Variants in CCNY observed in about 807,000 individuals in gnomAD.
CCNY encodes the protein cyclin-Y.
Under a neutral mutation model 42.8 loss-of-function variants are expected in CCNY, and 19 were observed. The observed-to-expected ratio is 0.44, with a 90% CI of 0.31 to 0.65. The LOEUF is 0.65. CCNY is among the 30% of genes least tolerant of loss of function. The probability of loss-of-function intolerance (pLI) is 0.07; values close to 1 mark genes in which losing one functional copy is unlikely to be tolerated. For synonymous variants in CCNY, 165 were observed against 162.7 expected (o/e 1.01, Z -0.11); for missense variants, 370 against 437.3 (o/e 0.85, Z 1.37).
At chr10:35,497,726 CAAAAAA>C (rs34502756) in intron 2 of CCNY, among the ~76,000 whole-genome samples, 2 of 73,610 alleles carry the variant, frequency 2.7e-5, no homozygotes, top group Non-Finnish European at 2.8e-5. Flanking sequence ...GACTCCGTCT[CAAAAAA>C]AAAAAAAAAA....
At chr10:35,567,925 CTGAAGGCAAATGT>C (rs1196131976) in intron 9 of CCNY, among the ~76,000 whole-genome samples, 1 of 152,150 alleles carries the variant, frequency 6.6e-6, no homozygotes. Flanking sequence ...GCAGGACTTC[CTGAAGGCAAATGT>C]TGTGAAACCT....
intron 1 of CCNY, among the ~76,000 whole-genome samples, chr10:35,470,123 A>T (rs1269774327): frequency 6.6e-6 from 1 of 150,668 alleles, no homozygotes; most frequent in Non-Finnish European, 1.5e-5. Flanking sequence ...AGAGAGAAAG[A>T]TAGGGCGATG....
chr10:35,251,750 G>C (rs190437748), intron 3 of CCNY, among the ~76,000 whole-genome samples: 1 of 152,066 alleles, frequency 6.6e-6, no homozygotes, highest in African/African-American at 2.4e-5. Flanking sequence ...CACCACTCCT[G>C]GTTAATTTTT....
At chr10:35,316,070 C>T (rs1382884801) in intron 3 of CCNY, among the ~76,000 whole-genome samples, 1 of 151,972 alleles carries the variant, frequency 6.6e-6, no homozygotes, top group Non-Finnish European at 1.5e-5. Context: ...GCATTTTTTT[C>T]TGTTATAAAA....
At chr10:35,249,606 C>T (rs1381550686) in intron 2 of CCNY, among the ~76,000 whole-genome samples, 1 of 152,200 alleles carries the variant, frequency 6.6e-6, no homozygotes, top group Non-Finnish European at 1.5e-5. Context: ...CTGCTATATT[C>T]TGGAATGTTC....
chr10:35,437,659 C>T (rs1053940307), intron 1 of CCNY, among the ~76,000 whole-genome samples: 1 of 151,388 alleles, frequency 6.6e-6, no homozygotes, highest in East Asian at 1.9e-4. Context: ...CAGACTCTGT[C>T]TCAAAAAAAA....
At chr10:35,418,202 G>C (rs1838068452) in intron 1 of CCNY, among the ~76,000 whole-genome samples, 1 of 152,152 alleles carries the variant, frequency 6.6e-6, no homozygotes, top group Non-Finnish European at 1.5e-5. Flanking sequence ...GCAGGGAGCA[G>C]GGAAGTAGGA....
At position 35,307,715 on chromosome 10, in the gene CCNY, TAC is replaced by T. The variant is rs1229366695; in HGVS notation, c.-9+57099_-9+57100del. On this transcript the variant is annotated intron_variant, in intron 3 of 11. Transcript: ENST00000374706. ...CTACACGTGTATATATGTATATATA[TAC>T]ACACACACATATATGTATATATATA... is the stretch of plus-strand genomic sequence containing the variant. Among the ~76,000 whole-genome samples, 189 of 150,694 alleles carry T rather than the reference TAC, an allele frequency of 1.3e-3. 1 individual carries two copies. Among genetic ancestry groups the T allele is most frequent in the Non-Finnish European group, 2.1e-3 (140 of 67,790 alleles).
rs1286707783 is a variant in CCNY at position 35,455,825 on chromosome 10, T to TTA, written c.155-27579_155-27578insTA. ...CTTCCTTTTTTTTTTTTTTTTTTTT[T>TTA]AAAAAAAGAAAAAGACAGGGTCTCA... On this transcript the variant is annotated intron_variant, in intron 1 of 9. Coordinates refer to ENST00000374704, the MANE Select transcript of CCNY (RefSeq NM_145012.6). 3.0e-3 allele frequency among the ~76,000 whole-genome samples: 304 copies of TTA among 99,804 alleles called. 2 individuals carry two copies. The highest frequency in any genetic ancestry group is 0.011 in the African/African-American group (286 of 26,322). The allele number at this position is 99,804 out of a possible 152,430, so 65.5% of individuals were successfully genotyped here. A position where few individuals can be genotyped will look rare whatever the true frequency, so the allele number is the denominator to read the frequency against.
At chr10:35,306,923 A>C (rs1009703941) in intron 3 of CCNY, among the ~76,000 whole-genome samples, 1 of 152,090 alleles carries the variant, frequency 6.6e-6, no homozygotes, top group Non-Finnish European at 1.5e-5. Context: ...ATCTGCTAGA[A>C]AAGCACGTGT....
chr10:35,486,061 A>G (rs1839782654), intron 2 of CCNY, among the ~76,000 whole-genome samples: 1 of 152,180 alleles, frequency 6.6e-6, no homozygotes. Flanking sequence ...CATCTTTACA[A>G]TGAAGGCTGT....
chr10:35,552,681 C>T (rs1030716196), intron 7 of CCNY, among the ~76,000 whole-genome samples: 18 of 152,180 alleles, frequency 1.2e-4, no homozygotes, highest in Non-Finnish European at 2.4e-4. Flanking sequence ...AAAGTGTATT[C>T]TCTATACATT....
intron 7 of CCNY, among the ~76,000 whole-genome samples, chr10:35,541,935 T>G (rs936595263): frequency 6.6e-6 from 1 of 151,154 alleles, no homozygotes; most frequent in South Asian, 2.1e-4. Flanking sequence ...TTGTGTCTAG[T>G]TGTCGTTACC....
intron 2 of CCNY, among the ~76,000 whole-genome samples, chr10:35,249,965 C>A (rs1347620361): frequency 6.6e-6 from 1 of 152,070 alleles, no homozygotes; most frequent in Non-Finnish European, 1.5e-5. Context: ...GAGGCCGAGG[C>A]AGGTGCATCA....
chr10:35,454,438 C>CA (rs1439149637), intron 1 of CCNY, among the ~76,000 whole-genome samples: 3 of 152,354 alleles, frequency 2.0e-5, no homozygotes, highest in African/African-American at 7.2e-5. Flanking sequence ...GTGGCACAGG[C>CA]AGAAGTCAAC....
At chr10:35,364,740 T>C (rs1293527054) in intron 1 of CCNY, among the ~76,000 whole-genome samples, 1 of 152,204 alleles carries the variant, frequency 6.6e-6, no homozygotes, top group Non-Finnish European at 1.5e-5. Flanking sequence ...TTTCAGAAGT[T>C]TGAGTTATTT....
intron 1 of CCNY, among the ~76,000 whole-genome samples, chr10:35,428,593 G>GT (rs1363838372): frequency 6.6e-6 from 1 of 152,102 alleles, no homozygotes; most frequent in Non-Finnish European, 1.5e-5. Context: ...TAAGCAAGGG[G>GT]TAAGGGTGAA....
chr10:35,534,488 A>G (rs568211367), intron 7 of CCNY, among the ~76,000 whole-genome samples: 1 of 152,346 alleles, frequency 6.6e-6, no homozygotes, highest in South Asian at 2.1e-4. Context: ...GGATTCCGGC[A>G]TAAGGGAAGG....
chr10:35,263,144 T>G (rs12257716), intron 3 of CCNY, among the ~76,000 whole-genome samples: 1 of 151,138 alleles, frequency 6.6e-6, no homozygotes, highest in East Asian at 1.9e-4. Flanking sequence ...ATCACGAGGT[T>G]AGGGGATCGA....
Sources: allele counts gnomAD v4.1 joint callset (sites outside exome capture counted in the v4.1 genomes callset), GRCh38; gene constraint gnomAD v4.1.1; transcripts MANE v1.5; gene names NCBI Gene and HGNC (gene_info 2026-07-23, HGNC 2026-07-21).